Variants in ADGRB3 observed in about 807,000 individuals in gnomAD.
ADGRB3 encodes adhesion G protein-coupled receptor B3, also known as brain-specific angiogenesis inhibitor 3.
Under a neutral mutation model 193.4 loss-of-function variants are expected in ADGRB3, and 37 were observed. The observed-to-expected ratio is 0.19, with a 90% CI of 0.15 to 0.25. The LOEUF is 0.25. ADGRB3 is among the 10% of genes least tolerant of loss of function. ADGRB3 has a pLI of 1.00. For synonymous variants in ADGRB3, 690 were observed against 644.2 expected, an observed-to-expected ratio of 1.07 and a Z score of -1.08; for missense variants, 1,637 against 1,852.9, an observed-to-expected ratio of 0.88 and a Z score of 2.14.
intron 3 of ADGRB3, among the ~76,000 whole-genome samples, chr6:68,642,557 A>C (rs2127276038): frequency 6.6e-6 from 1 of 152,230 alleles, no homozygotes; most frequent in East Asian, 1.9e-4. Flanking sequence ...ATACAAAGTA[A>C]ATTATTTGAC....
chr6:68,812,414 A>G (rs926530186), intron 3 of ADGRB3, among the ~76,000 whole-genome samples: 1 of 152,120 alleles, frequency 6.6e-6, no homozygotes, highest in Non-Finnish European at 1.5e-5. Context: ...GTACTTTTTT[A>G]CATTAGATAA....
At chr6:69,351,102 T>TTC (rs112551267) in intron 26 of ADGRB3, among the ~76,000 whole-genome samples, 18,688 of 151,340 alleles carry the variant, frequency 0.12, 1,275 homozygotes, top group Middle Eastern at 0.3. Flanking sequence ...ATACTTTTTT[T>TTC]TTTTTTTTGA....
At chr6:69,370,842 A>G (rs1320049368) in intron 29 of ADGRB3, among the ~76,000 whole-genome samples, 2 of 152,132 alleles carry the variant, frequency 1.3e-5, no homozygotes, top group African/African-American at 2.4e-5. Context: ...GTGCCAAGAA[A>G]GGTATCCAAG....
chr6:68,927,100 T>C (rs965944481), intron 3 of ADGRB3, among the ~76,000 whole-genome samples: 4 of 152,138 alleles, frequency 2.6e-5, no homozygotes, highest in African/African-American at 4.8e-5. Context: ...CACCACTTCA[T>C]TGATAACATC....
At chr6:69,003,149 G>A (rs1395835308) in intron 11 of ADGRB3, among the ~76,000 whole-genome samples, 1 of 152,102 alleles carries the variant, frequency 6.6e-6, no homozygotes, top group Non-Finnish European at 1.5e-5. Context: ...CTGACACCTG[G>A]TAGGTCTCAA....
chr6:68,792,749 AG>A (rs1192769318), intron 3 of ADGRB3, among the ~76,000 whole-genome samples: 1 of 152,190 alleles, frequency 6.6e-6, no homozygotes, highest in Non-Finnish European at 1.5e-5. Flanking sequence ...GGCAGAAACA[AG>A]GATACCCTGG....
chr6:69,241,909 A>G (rs764025442), intron 20 of ADGRB3, among the ~76,000 whole-genome samples: 3 of 151,944 alleles, frequency 2.0e-5, no homozygotes, highest in Non-Finnish European at 2.9e-5. Context: ...CTTATGCTAT[A>G]TTAATTTTGC....
intron 24 of ADGRB3, among the ~76,000 whole-genome samples, chr6:69,333,980 AT>A (rs1768785906): frequency 2.9e-5 from 3 of 102,040 alleles, no homozygotes; most frequent in Admixed American, 1.9e-4. Flanking sequence ...ATAAAATAAA[AT>A]AAAATAAAAT....
intron 17 of ADGRB3, among the ~76,000 whole-genome samples, chr6:69,114,779 A>G (rs1460860289): frequency 6.6e-6 from 1 of 152,174 alleles, no homozygotes. Flanking sequence ...TCCTTTCCCC[A>G]TTGCTTCTTT....
chr6:69,301,652 T>A lies in ADGRB3; in HGVS notation c.2815-23220T>A, dbSNP rs890067718. On this transcript the variant is annotated intron_variant, in intron 20 of 31. Transcript: ENST00000370598. ...ATGACATTACAAGAAAAATTGAATT[T>A]CTTGATATGTACCATAGATTGAGGT... Among the ~76,000 whole-genome samples, 3 of 152,012 alleles carry A rather than the reference T, an allele frequency of 2.0e-5. No individual in the cohort carries two copies. In the East Asian group the frequency reaches 5.8e-4, roughly 30 times the overall value.
At chr6:68,812,835 C>T (rs1253602411) in intron 3 of ADGRB3, among the ~76,000 whole-genome samples, 2 of 151,300 alleles carry the variant, frequency 1.3e-5, no homozygotes, top group Non-Finnish European at 2.9e-5. Context: ...GCCCCCCAAC[C>T]CCCCACAGGC....
intron 20 of ADGRB3, among the ~76,000 whole-genome samples, chr6:69,295,719 G>T (rs1228696010): frequency 6.6e-6 from 1 of 152,292 alleles, no homozygotes; most frequent in East Asian, 1.9e-4. Context: ...CACCTGTGCT[G>T]TTAAAGATGT....
chr6:69,269,130 G>A (rs1301896266), intron 20 of ADGRB3, among the ~76,000 whole-genome samples: 2 of 151,992 alleles, frequency 1.3e-5, no homozygotes, highest in African/African-American at 4.8e-5. Flanking sequence ...CTTTAGAAAC[G>A]CAGAAGCTGA....
intron 10 of ADGRB3, among the ~76,000 whole-genome samples, chr6:68,975,984 G>A (rs1168920908): frequency 2.6e-5 from 4 of 152,144 alleles, no homozygotes; most frequent in African/African-American, 9.7e-5. Flanking sequence ...CATTACTGCA[G>A]ACTGTTGTCA....
chr6:69,346,158 C>G (rs1452257394), intron 26 of ADGRB3, among the ~76,000 whole-genome samples: 1 of 152,084 alleles, frequency 6.6e-6, no homozygotes, highest in African/African-American at 2.4e-5. Context: ...ATCATGAAAA[C>G]TACCCGAAGT....
intron 3 of ADGRB3, among the ~76,000 whole-genome samples, chr6:68,911,609 A>C (rs1467392790): frequency 6.6e-6 from 1 of 152,176 alleles, no homozygotes; most frequent in African/African-American, 2.4e-5. Flanking sequence ...CACATTTAGA[A>C]GGTATCAAAC....
chr6:69,339,601 G>A, intron 26 of ADGRB3, 97 bp downstream of exon 26: 2 of 1,373,572 alleles, frequency 1.5e-6, no homozygotes, highest in Admixed American at 1.9e-5. Context: ...TCAGATTAAA[G>A]CTGGTCTCCT....
chr6:68,690,624 T>C (rs948538343), intron 3 of ADGRB3, among the ~76,000 whole-genome samples: 2 of 152,110 alleles, frequency 1.3e-5, no homozygotes, highest in African/African-American at 4.8e-5. Flanking sequence ...TTAGAAAACT[T>C]TGGGTTTAAT....
At chr6:68,853,396 C>T (rs906916375) in intron 3 of ADGRB3, among the ~76,000 whole-genome samples, 3 of 151,852 alleles carry the variant, frequency 2.0e-5, no homozygotes, top group Non-Finnish European at 4.4e-5. Flanking sequence ...TGGTTTCATT[C>T]ATTTTGTGGC....
Sources: gnomAD v4.1 joint callset for allele counts (sites outside exome capture counted in the v4.1 genomes callset) on GRCh38, gnomAD v4.1.1 for gene constraint, MANE v1.5 for transcripts, NCBI Gene and HGNC (gene_info 2026-07-23, HGNC 2026-07-21) for gene names.